Variants in SLC6A13 observed in about 807,000 individuals in gnomAD.
SLC6A13 encodes the protein sodium- and chloride-dependent GABA transporter 2.
In SLC6A13, 69 loss-of-function variants were observed where a neutral mutation model predicts 72.9. That is an observed-to-expected ratio of 0.95 (90% CI 0.78 to 1.16). The LOEUF is 1.16. Among genes scored for constraint, SLC6A13 ranks in the 50% most tolerant of loss-of-function variants. SLC6A13 has a pLI of 0.00. For missense variants in SLC6A13, 735 were observed against 760.5 expected, an observed-to-expected ratio of 0.97 and a Z score of 0.39; for synonymous variants, 303 against 303.0, an observed-to-expected ratio of 1.00 and a Z score of 0.00.
At chr12:228,713 G>A (rs754114917) in intron 7 of SLC6A13, among the ~76,000 whole-genome samples, 3 of 151,922 alleles carry the variant, frequency 2.0e-5, no homozygotes, top group Non-Finnish European at 4.4e-5. Context: ...CTCCTTTCAC[G>A]CTCACCCCTA....
intron 8 of SLC6A13, 41 bp downstream of exon 8, chr12:227,524 G>C: frequency 6.2e-7 from 1 of 1,611,986 alleles, no homozygotes; most frequent in Non-Finnish European, 8.5e-7. Context: ...GGACAGTAGA[G>C]AGATGCAGGT....
At chr12:228,436 G>A (rs1384789089) in intron 7 of SLC6A13, among the ~76,000 whole-genome samples, 5 of 152,062 alleles carry the variant, frequency 3.3e-5, no homozygotes, top group African/African-American at 1.2e-4. Context: ...CACAACCAGG[G>A]AGCACCCCGC....
At chr12:259,407 G>C (rs1226828846) in intron 2 of SLC6A13, 1 of 1,071,984 alleles carries the variant, frequency 9.3e-7, no homozygotes, top group African/African-American at 1.6e-5. Flanking sequence ...AGAACAGTTT[G>C]GTTATCAACG....
intron 2 of SLC6A13, among the ~76,000 whole-genome samples, chr12:253,164 C>G (rs1269100360): frequency 6.6e-6 from 1 of 152,186 alleles, no homozygotes. Context: ...TAGGAGAGAC[C>G]ATATCCCCGT....
chr12:225,065 C>G (rs918561431), intron 9 of SLC6A13, among the ~76,000 whole-genome samples: 13 of 152,276 alleles, frequency 8.5e-5, no homozygotes, highest in Non-Finnish European at 1.5e-4. Flanking sequence ...AATGACTACA[C>G]TGGCACTGGT....
chr12:249,032 T>A (rs1230509221), intron 2 of SLC6A13, among the ~76,000 whole-genome samples: 1 of 152,218 alleles, frequency 6.6e-6, no homozygotes, highest in Non-Finnish European at 1.5e-5. Flanking sequence ...AAATAGCCTA[T>A]GGCTCTACTG....
intron 2 of SLC6A13, 59 bp downstream of exon 2, chr12:259,792 G>T (rs1304426047): frequency 1.2e-6 from 2 of 1,614,226 alleles, no homozygotes; most frequent in South Asian, 2.2e-5. Flanking sequence ...GTAAGTGCAG[G>T]AGATGGAAGT....
chr12:226,809 G>T (rs1163205900), intron 8 of SLC6A13: 2 of 280,748 alleles, frequency 7.1e-6, no homozygotes, highest in Admixed American at 4.8e-5. Context: ...CCACACAGCC[G>T]CCCCTCTCTA....
Position 250,204 on chromosome 12 carries a change from G to A in SLC6A13, c.203-6391C>T, listed in dbSNP as rs1347480247. 2.6e-5 allele frequency among the ~76,000 whole-genome samples: 4 copies of A among 152,114 alleles called. No homozygotes were observed. In the East Asian group the frequency reaches 7.7e-4, roughly 29 times the overall value. On this transcript the variant is annotated intron_variant, in intron 2 of 14. Transcript: ENST00000343164. ...GCTAACATCATACTTAATTGTAAAA[G>A]ACTGCTAAGATTGAGAATAAAACAA... is the stretch of plus-strand genomic sequence containing the variant.
intron 2 of SLC6A13, among the ~76,000 whole-genome samples, chr12:244,088 C>T (rs2053736): frequency 0.052 from 7,948 of 152,300 alleles, 566 homozygotes; most frequent in East Asian, 0.31. Flanking sequence ...CTGCTTAACA[C>T]ATAACTTGTG....
chr12:248,939 G>C (rs1942449375), intron 2 of SLC6A13, among the ~76,000 whole-genome samples: 1 of 152,090 alleles, frequency 6.6e-6, no homozygotes, highest in Non-Finnish European at 1.5e-5. Flanking sequence ...ATACAAAATT[G>C]GTTCTCTGAC....
At chr12:239,585 G>A (rs1292633873) in intron 4 of SLC6A13, among the ~76,000 whole-genome samples, 1 of 152,144 alleles carries the variant, frequency 6.6e-6, no homozygotes, top group African/African-American at 2.4e-5. Flanking sequence ...CTTCTAACAC[G>A]ACATGTGCTG....
intron 2 of SLC6A13, chr12:253,487 G>A (rs541766409): frequency 6.6e-6 from 1 of 152,252 alleles, no homozygotes; most frequent in African/African-American, 2.4e-5. Context: ...AACAGCACAG[G>A]GCTAATGGTT....
chr12:231,399 G>A (rs1941703238), intron 7 of SLC6A13, among the ~76,000 whole-genome samples: 1 of 152,240 alleles, frequency 6.6e-6, no homozygotes, highest in South Asian at 2.1e-4. Flanking sequence ...CCCTTCTCAA[G>A]TGCCAGGCGA....
chr12:262,772 A>T lies in SLC6A13; in HGVS notation c.-6+17T>A, dbSNP rs1366064990. 1 of 888,308 alleles carries T rather than the reference A, an allele frequency of 1.1e-6. No individual in the cohort carries two copies. Among genetic ancestry groups the T allele is most frequent in the Non-Finnish European group, 1.3e-6 (1 of 741,528 alleles). The allele number at this position is 888,308 out of a possible 1,614,324, so 55.0% of individuals were successfully genotyped here. A position where few individuals can be genotyped will look rare whatever the true frequency, so the allele number is the denominator to read the frequency against. ...AGACGCAGAAATAGAAAAAAAAGAGAAGAAAACATTTCGAACCTTAGTGAA... is the reference window on the plus strand; with the variant it reads ...AGACGCAGAAATAGAAAAAAAAGAGTAGAAAACATTTCGAACCTTAGTGAA... On this transcript the variant is annotated intron_variant, in intron 1 of 14. Coordinates refer to ENST00000343164, the MANE Select transcript of SLC6A13 (RefSeq NM_016615.5).
chr12:228,328 T>C (rs1380355162), intron 7 of SLC6A13, among the ~76,000 whole-genome samples: 3 of 151,984 alleles, frequency 2.0e-5, no homozygotes, highest in Non-Finnish European at 4.4e-5. Context: ...ACAGCTAGAA[T>C]AACATCCCAG....
At chr12:221,108 CG>C (rs1941187280) in intron 14 of SLC6A13, 38 bp from the exon 15 acceptor site, 6 of 1,553,790 alleles carry the variant, frequency 3.9e-6, no homozygotes, top group South Asian at 2.5e-5. Context: ...GGTGGTGGAG[CG>C]GGGGCAGGTC....
chr12:228,998 C>A (rs1267370570), intron 7 of SLC6A13, among the ~76,000 whole-genome samples: 2 of 152,134 alleles, frequency 1.3e-5, no homozygotes, highest in Non-Finnish European at 2.9e-5. Context: ...GGGCCAGGGA[C>A]AGAGCAAGGA....
Position 242,767 on chromosome 12 carries a change from T to G in SLC6A13, c.338-13A>C. 1.3e-6 allele frequency: 2 copies of G among 1,570,308 alleles called. No individual in the cohort carries two copies. Among genetic ancestry groups the G allele is most frequent in the Non-Finnish European group, 1.7e-6 (2 of 1,156,930 alleles). On this transcript the variant is annotated splice_polypyrimidine_tract_variant and intron_variant, in intron 3 of 14. Coordinates refer to ENST00000343164, the MANE Select transcript of SLC6A13 (RefSeq NM_016615.5). ...GCATAGCCAATGCCTGCGGGGAAAC[T>G]GCAGAATTGGGCTAGGAACGGTGGA...
Sources: allele counts gnomAD v4.1 joint callset (sites outside exome capture counted in the v4.1 genomes callset), GRCh38; gene constraint gnomAD v4.1.1; transcripts MANE v1.5; gene names NCBI Gene and HGNC (gene_info 2026-07-23, HGNC 2026-07-21).